SLCO3A1: variants seen among roughly 807,000 people sequenced by gnomAD.
The protein encoded by SLCO3A1 is PGE1 transporter.
In SLCO3A1, 27 loss-of-function variants were observed where a neutral mutation model predicts 63.1. That is an observed-to-expected ratio of 0.43 (90% CI 0.32 to 0.59). SLCO3A1 has a LOEUF of 0.59. SLCO3A1 is among the 20% of genes least tolerant of loss of function. The pLI, the probability that SLCO3A1 is intolerant of heterozygous loss-of-function variation, is 0.09. For synonymous variants in SLCO3A1, 473 were observed against 409.9 expected, an observed-to-expected ratio of 1.15 and a Z score of -1.86; for missense variants, 773 against 945.8, an observed-to-expected ratio of 0.82 and a Z score of 2.40.
intron 2 of SLCO3A1, among the ~76,000 whole-genome samples, chr15:91,966,057 A>C (rs889986832): frequency 1.3e-5 from 2 of 152,194 alleles, no homozygotes; most frequent in African/African-American, 4.8e-5. Flanking sequence ...AGAAGGCATC[A>C]GAGCCTCGTC....
intron 1 of SLCO3A1, among the ~76,000 whole-genome samples, chr15:91,901,346 A>G (rs1398649202): frequency 6.6e-6 from 1 of 152,232 alleles, no homozygotes; most frequent in East Asian, 1.9e-4. Context: ...GTTCTATGCA[A>G]TCTAATGCCT....
chr15:91,960,845 C>T (rs937882895), intron 2 of SLCO3A1, among the ~76,000 whole-genome samples: 1 of 152,052 alleles, frequency 6.6e-6, no homozygotes, highest in Non-Finnish European at 1.5e-5. Flanking sequence ...TCCAAAAATC[C>T]AAAATCTGAA....
rs181285210 is a variant in SLCO3A1, at chr15:91,968,511, G to A, written c.646+52053G>A. Among the ~76,000 whole-genome samples the A allele has an allele frequency of 6.6e-6, 1 of 152,146 alleles. No individual in the cohort carries two copies. The highest frequency in any genetic ancestry group is 1.9e-4 in the East Asian group (1 of 5,134). ...TTTATCATGTCTTCTCACTAGGTGA[G>A]GTGAATAGGGCTCCACAAACCACCG... On this transcript the variant is annotated intron_variant, in intron 2 of 9. Transcript: ENST00000318445. This position sits in a 1 kb window ranked among gnomAD's most constrained non-coding sequence, Gnocchi z 4.2.
At chr15:92,105,683 G>A (rs540631880) in intron 4 of SLCO3A1, among the ~76,000 whole-genome samples, 55 of 152,236 alleles carry the variant, frequency 3.6e-4, no homozygotes, top group Middle Eastern at 3.4e-3. Flanking sequence ...CTCCCCTGAC[G>A]TCCTGCTGGA....
Position 91,860,493 on chromosome 15 carries a change from C to T in SLCO3A1, c.180+6405C>T, listed in dbSNP as rs530197992. On this transcript the variant is annotated intron_variant, in intron 1 of 9. Coordinates refer to ENST00000318445, the MANE Select transcript of SLCO3A1 (RefSeq NM_013272.4). The surrounding 1 kb of genome is among the most constrained non-coding windows in gnomAD (Gnocchi z 5.5). ...TTAACAGTAATGGTATAACCCTGCT[C>T]GTTGACATTAGCACCAACAAAAGTC... Among the ~76,000 whole-genome samples, 3 of 152,292 alleles carry T rather than the reference C, an allele frequency of 2.0e-5. No homozygotes were observed. Among genetic ancestry groups the T allele is most frequent in the Admixed American group, 1.3e-4 (2 of 15,300 alleles).
chr15:92,027,849 C>T (rs1460790346), intron 2 of SLCO3A1, among the ~76,000 whole-genome samples: 2 of 152,190 alleles, frequency 1.3e-5, no homozygotes, highest in African/African-American at 4.8e-5. Context: ...TTGCAAAGTG[C>T]ACAAGTCTGC....
chr15:92,053,957 C>T (rs2046992130), intron 2 of SLCO3A1, among the ~76,000 whole-genome samples: 1 of 152,074 alleles, frequency 6.6e-6, no homozygotes, highest in South Asian at 2.1e-4. Context: ...GGCTCCACCT[C>T]CTTGAGAGTG....
chr15:92,137,745 T>C lies in SLCO3A1; in HGVS notation c.1513-9239T>C, dbSNP rs1238950284. Among the ~76,000 whole-genome samples the C allele has an allele frequency of 1.1e-4, 12 of 105,048 alleles. 3 individuals are homozygous for C. The South Asian group carries it at 2.9e-3, about 26-fold the overall frequency. The allele number at this position is 105,048 out of a possible 152,430, so 68.9% of individuals were successfully genotyped here. A position where few individuals can be genotyped will look rare whatever the true frequency, so the allele number is the denominator to read the frequency against. ...GCCAGTGATGATGAGCATTTTTTCATGTGTTTTTTGGCTGCATAAATGTCT... is the reference window on the plus strand; with the variant it reads ...GCCAGTGATGATGAGCATTTTTTCACGTGTTTTTTGGCTGCATAAATGTCT... On this transcript the variant is annotated intron_variant, in intron 7 of 9. Coordinates refer to ENST00000318445, the MANE Select transcript of SLCO3A1 (RefSeq NM_013272.4).
intron 2 of SLCO3A1, among the ~76,000 whole-genome samples, chr15:91,922,256 A>G (rs1597123150): frequency 6.6e-6 from 1 of 152,070 alleles, no homozygotes; most frequent in East Asian, 1.9e-4. Context: ...GATGTTCTGG[A>G]GAGAATGGGA....
At chr15:92,008,982 T>C (rs997059761) in intron 2 of SLCO3A1, among the ~76,000 whole-genome samples, 3 of 152,358 alleles carry the variant, frequency 2.0e-5, no homozygotes, top group Admixed American at 1.3e-4. Context: ...TTGTATCATA[T>C]TGTAGATGGA....
chr15:91,977,446 G>A (rs1018695048), intron 2 of SLCO3A1, among the ~76,000 whole-genome samples: 7 of 152,172 alleles, frequency 4.6e-5, no homozygotes, highest in African/African-American at 1.7e-4. Context: ...GTCAGTTTGG[G>A]GTTATTAGGG....
intron 2 of SLCO3A1, among the ~76,000 whole-genome samples, chr15:92,064,701 G>A (rs1370953461): frequency 7.9e-5 from 12 of 152,162 alleles, no homozygotes; most frequent in Admixed American, 1.3e-4. Flanking sequence ...GCCAAAAAAA[G>A]GAATTAAATT....
At position 92,165,705 on chromosome 15, in the gene SLCO3A1, T is replaced by G. The variant is rs1011707584; in HGVS notation, c.*2570T>G. The G allele has an allele frequency of 1.0e-5, 10 of 985,304 alleles. No individual in the cohort carries two copies. The East Asian group carries it at 9.1e-4, about 89-fold the overall frequency. 61.0% of individuals were successfully genotyped at this position (985,304 alleles called of 1,614,324 possible). On this transcript the variant is annotated 3_prime_UTR_variant, in exon 10 of 10. Coordinates refer to ENST00000318445, the MANE Select transcript of SLCO3A1 (RefSeq NM_013272.4). ...GTGTCGTCTTTTAAAATTTTAATTA[T>G]TCTCATATAGTACCGAACAGAAAAC...
intron 1 of SLCO3A1, among the ~76,000 whole-genome samples, chr15:91,869,312 G>A (rs1002607429): frequency 6.6e-6 from 1 of 152,036 alleles, no homozygotes; most frequent in Non-Finnish European, 1.5e-5. Flanking sequence ...GAGGTGGGTG[G>A]ATCAGTTGAT....
At chr15:91,992,012 A>C (rs1178509219) in intron 2 of SLCO3A1, among the ~76,000 whole-genome samples, 3 of 152,254 alleles carry the variant, frequency 2.0e-5, no homozygotes, top group Non-Finnish European at 4.4e-5. Context: ...ATAGACTTTC[A>C]TAAGTCCATC....
At chr15:91,977,042 T>C (rs114126790) in intron 2 of SLCO3A1, among the ~76,000 whole-genome samples, 79 of 152,264 alleles carry the variant, frequency 5.2e-4, no homozygotes, top group African/African-American at 1.9e-3. Flanking sequence ...TTCCTGATAA[T>C]CCTGACAGTG....
chr15:91,881,249 G>C (rs961974048), intron 1 of SLCO3A1, among the ~76,000 whole-genome samples: 3 of 151,780 alleles, frequency 2.0e-5, no homozygotes, highest in Admixed American at 6.6e-5. Flanking sequence ...TTTTTCCTTG[G>C]TCTTACTGAT....
At chr15:91,934,445 G>A (rs370238818) in intron 2 of SLCO3A1, among the ~76,000 whole-genome samples, 2 of 152,126 alleles carry the variant, frequency 1.3e-5, no homozygotes, top group Admixed American at 6.5e-5. Flanking sequence ...TCTTTGCACC[G>A]GTTTTAATGA....
In SLCO3A1 at chr15:92,135,202, A is replaced by G. The variant is rs149250033; in HGVS notation, c.1512+6713A>G. ...AGATGGAGGGGCCCTGTGTTCCTTC[A>G]GAGTTGCAGTCATGCCTTTCACCTT... is the stretch of plus-strand genomic sequence containing the variant. On this transcript the variant is annotated intron_variant, in intron 7 of 9. Transcript: ENST00000318445. 3.9e-4 allele frequency among the ~76,000 whole-genome samples: 59 copies of G among 152,296 alleles called. No individual in the cohort carries two copies. In the East Asian group the frequency reaches 0.011, roughly 28 times the overall value.
Sources: allele counts gnomAD v4.1 joint callset (sites outside exome capture counted in the v4.1 genomes callset), GRCh38; gene constraint gnomAD v4.1.1; non-coding constraint Gnocchi (gnomAD v3.1); transcripts MANE v1.5; gene names NCBI Gene and HGNC (gene_info 2026-07-23, HGNC 2026-07-21).